The following ADAMTS6 variants were observed in gnomAD, a reference collection of about 807,000 sequenced individuals.
The protein encoded by ADAMTS6 is A disintegrin and metalloproteinase with thrombospondin motifs 6.
A neutral mutation model predicts 144.3 loss-of-function variants in ADAMTS6; 23 were observed. The observed-to-expected ratio is 0.16, with a 90% CI of 0.11 to 0.23. ADAMTS6 has a LOEUF of 0.23. ADAMTS6 is among the 10% of genes least tolerant of loss of function. The pLI is 1.00. For synonymous variants in ADAMTS6, 444 were observed against 457.5 expected (o/e 0.97, Z 0.38); for missense variants, 999 against 1,379.6 (o/e 0.72, Z 4.37).
intron 7 of ADAMTS6, among the ~76,000 whole-genome samples, chr5:65,374,719 A>G (rs1417917221): frequency 6.6e-6 from 1 of 152,216 alleles, no homozygotes; most frequent in Non-Finnish European, 1.5e-5. Context: ...CATCCCCATC[A>G]AGCTACCAAT....
intron 8 of ADAMTS6, among the ~76,000 whole-genome samples, chr5:65,332,489 C>A (rs1198665061): frequency 1.3e-5 from 2 of 151,678 alleles, no homozygotes; most frequent in Non-Finnish European, 2.9e-5. Context: ...TTAATAAATA[C>A]TTAGAGAATC....
chr5:65,452,285 A>C, intron 5 of ADAMTS6, 69 bp from the exon 6 acceptor site: 1 of 1,362,774 alleles, frequency 7.3e-7, no homozygotes, highest in East Asian at 2.3e-5. Context: ...TTGGTTTTTT[A>C]AGTGCTAAAA....
At chr5:65,272,519 T>G (rs1053717612) in intron 12 of ADAMTS6, among the ~76,000 whole-genome samples, 1 of 152,156 alleles carries the variant, frequency 6.6e-6, no homozygotes, top group Non-Finnish European at 1.5e-5. Flanking sequence ...AATTATATTT[T>G]TGAAAGCTAG....
rs559961754 is a variant in ADAMTS6 at position 65,460,246 on chromosome 5, G to A, written c.555C>T (p.Gly185=). Residue 185 remains glycine, a synonymous_variant, in exon 4 of 25, where the codon GGC becomes GGT. Transcript: ENST00000381055. The part of the protein sequence containing the change: ...EDSKHFSYEN[G]HPHVIYKKSA... ...ACTTTTTGTAAATAACATGAGGGTG[G>A]CCATTTTCATAACTAAAATGCTTGG... The A allele has an allele frequency of 6.0e-5, 97 of 1,614,010 alleles. 2 individuals carry two copies. In the South Asian group the frequency reaches 1.0e-3, roughly 17 times the overall value.
In ADAMTS6 at chr5:65,250,332, T is replaced by G. The variant is rs147280401; in HGVS notation, c.1831-8126A>C. Reference sequence around the variant, plus strand: ...CATGTGTCACAGTCAGGATTCACACTCAAGTTAATTTAACTTCCAACTGCA... The same window carrying G: ...CATGTGTCACAGTCAGGATTCACACGCAAGTTAATTTAACTTCCAACTGCA... On this transcript the variant is annotated intron_variant, in intron 14 of 24. Transcript: ENST00000381055. Among the ~76,000 whole-genome samples, 370 of 152,318 alleles carry G rather than the reference T, an allele frequency of 2.4e-3. 3 individuals are homozygous for G. The highest frequency in any genetic ancestry group is 8.6e-3 in the African/African-American group (356 of 41,562).
Position 65,215,397 on chromosome 5 carries a change from T to C in ADAMTS6, c.2363A>G (p.His788Arg), listed in dbSNP as rs1443901859. The change falls in exon 19 of 25, where the codon CAT becomes CGT. Residue 788 changes from histidine to arginine, a missense_variant. By Grantham distance (29) the His-to-Arg change is conservative. This residue lies in a region of ADAMTS6 where 619 missense variants were observed against 837.0 expected (regional missense o/e 0.74). Transcript: ENST00000381055. Reference protein sequence around the residue: ...RKFDVAGTAFHYKRPTDEPES... With the variant: ...RKFDVAGTAFRYKRPTDEPES... ...TGGTTCATCAGTTGGTCTCTTGTAA[T>C]GAAAAGCTGTCCCAGCAACATCAAA... The C allele has an allele frequency of 6.2e-7, 1 of 1,614,116 alleles. No individual in the cohort carries two copies. The highest frequency in any genetic ancestry group is 1.7e-5 in the Admixed American group (1 of 60,020).
intron 11 of ADAMTS6, among the ~76,000 whole-genome samples, chr5:65,289,791 A>C (rs1654978437): frequency 2.0e-5 from 3 of 152,200 alleles, no homozygotes; most frequent in Admixed American, 2.0e-4. Flanking sequence ...GAAAACAAAA[A>C]TATAGATTAT....
chr5:65,426,735 A>G (rs1756567914), intron 7 of ADAMTS6, among the ~76,000 whole-genome samples: 1 of 152,094 alleles, frequency 6.6e-6, no homozygotes, highest in Non-Finnish European at 1.5e-5. Context: ...CAAAACAAAA[A>G]GTTTAAGAGA....
chr5:65,303,879 C>G (rs1433789294), intron 9 of ADAMTS6, among the ~76,000 whole-genome samples: 1 of 151,910 alleles, frequency 6.6e-6, no homozygotes, highest in Non-Finnish European at 1.5e-5. Flanking sequence ...TTTTAAATAA[C>G]AATATCTGCA....
At chr5:65,225,507 T>C (rs1466862684) in intron 16 of ADAMTS6, among the ~76,000 whole-genome samples, 1 of 152,232 alleles carries the variant, frequency 6.6e-6, no homozygotes, top group African/African-American at 2.4e-5. Flanking sequence ...TTTCTTATTA[T>C]GTTACAATCA....
chr5:65,396,492 C>A (rs1462051563), intron 7 of ADAMTS6, among the ~76,000 whole-genome samples: 1 of 152,164 alleles, frequency 6.6e-6, no homozygotes, highest in Non-Finnish European at 1.5e-5. Flanking sequence ...TAATCTAACC[C>A]ATCTCATCTG....
At chr5:65,459,448 A>G (rs62368973) in intron 4 of ADAMTS6, among the ~76,000 whole-genome samples, 12,850 of 151,970 alleles carry the variant, frequency 0.085, 640 homozygotes, top group Non-Finnish European at 0.11. Context: ...TCCCCCAACC[A>G]CTATGAACCT....
At chr5:65,229,054 T>C (rs953338167) in intron 15 of ADAMTS6, among the ~76,000 whole-genome samples, 4 of 152,186 alleles carry the variant, frequency 2.6e-5, no homozygotes, top group Admixed American at 1.3e-4. Context: ...CATGCTCCTA[T>C]GGACTGAAAG....
chr5:65,276,788 T>A (rs1239848578), intron 11 of ADAMTS6, among the ~76,000 whole-genome samples: 1 of 152,196 alleles, frequency 6.6e-6, no homozygotes, highest in Non-Finnish European at 1.5e-5. Flanking sequence ...GCAACCATCA[T>A]AGTAGGCAGA....
intron 14 of ADAMTS6, among the ~76,000 whole-genome samples, chr5:65,255,765 T>C (rs1760599736): frequency 1.3e-5 from 2 of 152,092 alleles, no homozygotes. Flanking sequence ...AAAATCTTAC[T>C]GAGCAATTAA....
At chr5:65,370,507 G>C (rs1750766515) in intron 7 of ADAMTS6, among the ~76,000 whole-genome samples, 1 of 152,188 alleles carries the variant, frequency 6.6e-6, no homozygotes, top group African/African-American at 2.4e-5. Context: ...TCAAAGAAAG[G>C]GGTGACAGAT....
chr5:65,389,552 T>C (rs1752743896), intron 7 of ADAMTS6, among the ~76,000 whole-genome samples: 1 of 152,084 alleles, frequency 6.6e-6, no homozygotes, highest in African/African-American at 2.4e-5. Flanking sequence ...TTGGAGGATA[T>C]GAGAGTATAT....
At position 65,215,426 on chromosome 5, in the gene ADAMTS6, C is replaced by T; in HGVS notation, c.2334G>A (p.Arg778=). The part of the protein sequence containing the change: ...INGAWTIDWP[R]KFDVAGTAFH... ...AAGCTGTCCCAGCAACATCAAATTT[C>T]CTAGGCCAGTCAATAGTCCAGGCAC... Residue 778 remains arginine (R), a synonymous_variant, in exon 19 of 25, where the codon AGG becomes AGA. Transcript: ENST00000381055. The T allele has an allele frequency of 6.2e-7, 1 of 1,614,068 alleles. No individual in the cohort carries two copies. Among genetic ancestry groups the T allele is most frequent in the South Asian group, 1.1e-5 (1 of 91,074 alleles).
intron 1 of ADAMTS6, among the ~76,000 whole-genome samples, chr5:65,478,019 CAG>C (rs1236188872): frequency 1.3e-5 from 2 of 151,846 alleles, no homozygotes; most frequent in East Asian, 1.9e-4. Context: ...CCCAGCTACT[CAG>C]GGGGCTGAGG....
Sources: allele counts gnomAD v4.1 joint callset (sites outside exome capture counted in the v4.1 genomes callset), GRCh38; gene constraint gnomAD v4.1.1; regional missense constraint gnomAD v4.1.1; transcripts MANE v1.5; gene names NCBI Gene and HGNC (gene_info 2026-07-23, HGNC 2026-07-21).